The following CA7 variants were observed in gnomAD, a reference collection of about 807,000 sequenced individuals.
The protein encoded by CA7 is carbonic anhydrase 7, also known as carbonate dehydratase VII.
In CA7, 13 loss-of-function variants were observed where a neutral mutation model predicts 31.4. The observed-to-expected ratio is 0.41, with a 90% CI of 0.27 to 0.66. CA7 has a LOEUF of 0.66. Among genes scored for constraint, CA7 ranks in the 30% least tolerant of loss-of-function variants. The pLI is 0.28. For missense variants in CA7, 215 were observed against 351.0 expected (o/e 0.61, Z 3.10); for synonymous variants, 128 against 133.2 (o/e 0.96, Z 0.27).
intron 1 of CA7, chr16:66,845,170 G>A: frequency 1.0e-6 from 1 of 985,654 alleles, no homozygotes; most frequent in Non-Finnish European, 1.2e-6. Flanking sequence ...GGCTGACGCG[G>A]AAGAGAGCTC....
chr16:66,847,188 T>C lies in CA7; in HGVS notation c.199T>C (p.Ser67Pro). Residue 67 changes from serine (S) to proline (P), a missense_variant, in exon 2 of 7, where the codon TCT (serine) becomes CCT (proline). By Grantham distance (74) the Ser-to-Pro change is moderately conservative. Transcript: ENST00000338437. The part of the protein sequence containing the change: ...MSLSITNNGH[S>P]VQVDFNDSDD... ...CCTCAGCATCACCAACAATGGCCAC[T>C]CTGTCCAGGTAGACTTCAATGACAG... 6.2e-7 allele frequency: 1 copy of C among 1,614,214 alleles called. No individual in the cohort carries two copies. The highest frequency in any genetic ancestry group is 8.5e-7 in the Non-Finnish European group (1 of 1,180,038).
At chr16:66,852,576 GAAAAGAAAAGAAAAAA>G (rs59357983) in intron 5 of CA7, 120 bp from the exon 6 acceptor site, 73,248 of 557,490 alleles carry the variant, frequency 0.13, 12,102 homozygotes, top group African/African-American at 0.67. Context: ...GAAAAAGAAA[GAAAAGAAAAGAAAAAA>G]AAAAGAAAAG....
intron 1 of CA7, among the ~76,000 whole-genome samples, chr16:66,845,968 T>A (rs889007017): frequency 6.6e-6 from 1 of 152,160 alleles, no homozygotes; most frequent in East Asian, 1.9e-4. Flanking sequence ...CGATTCTGAG[T>A]CATCCATTGG....
At position 66,853,094 on chromosome 16, in the gene CA7, C is replaced by A. The variant is rs1213192028; in HGVS notation, c.672+227C>A. ...GGATACCTGGATCCTGGGACCCCCA[C>A]CCCCGCTACTGTGTTGGAATCTGAA... is the stretch of plus-strand genomic sequence containing the variant. On this transcript the variant is annotated intron_variant, in intron 6 of 6. Transcript: ENST00000338437. The surrounding 1 kb of genome is among the most constrained non-coding windows in gnomAD (Gnocchi z 4.5). 3.3e-5 allele frequency among the ~76,000 whole-genome samples: 5 copies of A among 152,160 alleles called. No individual in the cohort carries two copies. The highest frequency in any genetic ancestry group is 5.9e-5 in the Non-Finnish European group (4 of 68,032).
In CA7 at chr16:66,853,986, C is replaced by A. The variant is rs1017973976; in HGVS notation, c.*488C>A. On this transcript the variant is annotated 3_prime_UTR_variant, in exon 7 of 7. Coordinates refer to ENST00000338437, the MANE Select transcript of CA7 (RefSeq NM_005182.3). This position sits in a 1 kb window ranked among gnomAD's most constrained non-coding sequence, Gnocchi z 4.5. ...GCCATTAAAATCAGCACCCAGCATG[C>A]TGGAGGTGACGTGGCCTTCTCCCTC... 1.9e-5 allele frequency: 3 copies of A among 156,034 alleles called. No individual in the cohort carries two copies. Among genetic ancestry groups the A allele is most frequent in the African/African-American group, 7.2e-5 (3 of 41,536 alleles). The allele number at this position is 156,034 out of a possible 1,614,324, so 9.7% of individuals were successfully genotyped here.
chr16:66,852,900 A>G (rs753276515), intron 6 of CA7, 33 bp downstream of exon 6: 1 of 1,601,640 alleles, frequency 6.2e-7, no homozygotes. Context: ...ATGGAGGGAC[A>G]TGGCACTCAG....
At chr16:66,850,337 G>A (rs1009210709) in intron 2 of CA7, among the ~76,000 whole-genome samples, 3 of 151,948 alleles carry the variant, frequency 2.0e-5, no homozygotes, top group African/African-American at 7.3e-5. Flanking sequence ...CTACTCGGGG[G>A]GGCCAAGACA....
Position 66,847,199 on chromosome 16 carries a change from A to T in CA7, c.210A>T (p.Val70=). 1 of 1,614,222 alleles carries T rather than the reference A, an allele frequency of 6.2e-7. No homozygotes were observed. The highest frequency in any genetic ancestry group is 1.3e-5 in the African/African-American group (1 of 75,072). The change falls in exon 2 of 7, where the codon GTA becomes GTT. Residue 70 remains valine (V), a synonymous_variant. Coordinates refer to ENST00000338437, the MANE Select transcript of CA7 (RefSeq NM_005182.3). ...CCAACAATGGCCACTCTGTCCAGGT[A>T]GACTTCAATGACAGCGATGACCGAA... ...SITNNGHSVQ[V]DFNDSDDRTV...
intron 2 of CA7, among the ~76,000 whole-genome samples, chr16:66,850,039 G>C (rs975313013): frequency 1.4e-5 from 2 of 146,928 alleles, no homozygotes; most frequent in African/African-American, 5.1e-5. Context: ...AGAAATGCTT[G>C]AACCTGGGAG....
rs1597064499 is a variant in CA7 at position 66,853,337 on chromosome 16, C to T, written c.673-39C>T. On this transcript the variant is annotated intron_variant, in intron 6 of 6. Transcript: ENST00000338437. The surrounding 1 kb of genome is among the most constrained non-coding windows in gnomAD (Gnocchi z 4.5). ...TCTGGGGTCATAGAGGACCACAGCACCCCCAATCTGCCCTGAGCATTCCTT... is the reference window on the plus strand; with the variant it reads ...TCTGGGGTCATAGAGGACCACAGCATCCCCAATCTGCCCTGAGCATTCCTT... The T allele has an allele frequency of 6.2e-7, 1 of 1,613,168 alleles. No homozygotes were observed. The highest frequency in any genetic ancestry group is 2.2e-5 in the East Asian group (1 of 44,864).
intron 2 of CA7, among the ~76,000 whole-genome samples, chr16:66,849,661 A>G (rs370766317): frequency 2.0e-5 from 3 of 152,296 alleles, no homozygotes; most frequent in African/African-American, 7.2e-5. Context: ...CCTGGGAGGC[A>G]GGGTCCCACC....
At chr16:66,850,961 A>T (rs951803339) in intron 3 of CA7, among the ~76,000 whole-genome samples, 6 of 152,094 alleles carry the variant, frequency 3.9e-5, no homozygotes, top group Admixed American at 3.9e-4. Flanking sequence ...GCATGAACTG[A>T]TCTTGCCTGG....
At chr16:66,849,111 G>A (rs1047367815) in intron 2 of CA7, among the ~76,000 whole-genome samples, 10 of 151,974 alleles carry the variant, frequency 6.6e-5, no homozygotes, top group African/African-American at 2.4e-4. Flanking sequence ...TGATCCAGGA[G>A]CTCACATTCA....
At chr16:66,850,945 G>C (rs1286869640) in intron 3 of CA7, among the ~76,000 whole-genome samples, 1 of 152,144 alleles carries the variant, frequency 6.6e-6, no homozygotes, top group Non-Finnish European at 1.5e-5. Flanking sequence ...CAGTATTCAA[G>C]ACTGTGCATG....
intron 2 of CA7, 114 bp from the exon 3 acceptor site, chr16:66,850,427 C>G (rs1029160482): frequency 2.8e-6 from 2 of 718,930 alleles, no homozygotes; most frequent in South Asian, 3.0e-5. Context: ...GGCAACAGAG[C>G]GAGACCCTGA....
Position 66,850,490 on chromosome 16 carries a change from G to A in CA7, c.239-51G>A, listed in dbSNP as rs1156485582. 4 of 1,034,844 alleles carry A rather than the reference G, an allele frequency of 3.9e-6. No individual in the cohort carries two copies. In the East Asian group the frequency reaches 7.1e-5, roughly 18 times the overall value. The allele number at this position is 1,034,844 out of a possible 1,614,324, so 64.1% of individuals were successfully genotyped here. A position where few individuals can be genotyped will look rare whatever the true frequency, so the allele number is the denominator to read the frequency against. On this transcript the variant is annotated intron_variant, in intron 2 of 6. Transcript: ENST00000338437. ...GGCTGCTGCCCTGGTCCTGGCACTGGGCTGTCGGTCCTCTCCTACTCATTG... is the reference window on the plus strand; with the variant it reads ...GGCTGCTGCCCTGGTCCTGGCACTGAGCTGTCGGTCCTCTCCTACTCATTG...
chr16:66,848,629 A>T (rs907337133), intron 2 of CA7, among the ~76,000 whole-genome samples: 1 of 152,196 alleles, frequency 6.6e-6, no homozygotes, highest in African/African-American at 2.4e-5. Flanking sequence ...CCACTCACCC[A>T]CTGTGGGTCA....
chr16:66,847,009 T>TGCCC, intron 1 of CA7, 21 bp from the exon 2 acceptor site: 1 of 1,612,994 alleles, frequency 6.2e-7, no homozygotes, highest in South Asian at 1.1e-5. Flanking sequence ...CCTGAGTCCT[T>TGCCC]GCCCTCCTCC....
At chr16:66,844,592 C>A in intron 1 of CA7, 65 bp downstream of exon 1, 1 of 1,372,854 alleles carries the variant, frequency 7.3e-7, no homozygotes, top group Non-Finnish European at 1.0e-6. Context: ...TCGCCCCAAC[C>A]CTCTTGCCCA....
Sources: gnomAD v4.1 joint callset for allele counts (sites outside exome capture counted in the v4.1 genomes callset) on GRCh38, gnomAD v4.1.1 for gene constraint, Gnocchi (gnomAD v3.1) non-coding constraint, MANE v1.5 for transcripts, NCBI Gene and HGNC (gene_info 2026-07-23, HGNC 2026-07-21) for gene names.